The following HMCN1 variants were observed in gnomAD, a reference collection of about 807,000 sequenced individuals.
The protein encoded by HMCN1 is hemicentin 1, also known as hemicentin-1.
HMCN1 carries 321 observed loss-of-function variants against 625.9 expected under a neutral mutation model. That is an observed-to-expected ratio of 0.51 (90% CI 0.47 to 0.56). The LOEUF is 0.56. Ranked by LOEUF, HMCN1 falls within the 20% of genes least tolerant of loss-of-function variation. HMCN1 has a pLI of 0.00. For synonymous variants in HMCN1, 2,425 were observed against 2,417.6 expected, an observed-to-expected ratio of 1.00 and a Z score of -0.09; for missense variants, 6,588 against 6,887.3, an observed-to-expected ratio of 0.96 and a Z score of 1.54.
chr1:186,178,395 T>C, intron 103 of HMCN1, 21 bp from the exon 104 acceptor site: 1 of 1,571,230 alleles, frequency 6.4e-7, no homozygotes, highest in Non-Finnish European at 8.8e-7. Flanking sequence ...TTTTCTTTTT[T>C]ATATCATGGC....
chr1:186,036,526 C>A (rs1487994021), intron 36 of HMCN1, among the ~76,000 whole-genome samples: 1 of 152,098 alleles, frequency 6.6e-6, no homozygotes, highest in African/African-American at 2.4e-5. Context: ...GGGTCCCTCC[C>A]AGCTACAATT....
chr1:185,984,514 A>G (rs1354470445), intron 19 of HMCN1, among the ~76,000 whole-genome samples: 4 of 152,164 alleles, frequency 2.6e-5, no homozygotes, highest in Non-Finnish European at 5.9e-5. Flanking sequence ...CATTCTTGGG[A>G]GTCACCAGCT....
intron 19 of HMCN1, among the ~76,000 whole-genome samples, chr1:185,984,620 A>G (rs1651888020): frequency 6.6e-6 from 1 of 152,168 alleles, no homozygotes; most frequent in South Asian, 2.1e-4. Context: ...TTAATTTCAG[A>G]CAAGCTGAAC....
intron 10 of HMCN1, among the ~76,000 whole-genome samples, chr1:185,931,954 C>A (rs1026344981): frequency 6.6e-6 from 1 of 151,706 alleles, no homozygotes; most frequent in African/African-American, 2.4e-5. Flanking sequence ...CCTATTATTA[C>A]CAAATTTAGC....
intron 2 of HMCN1, among the ~76,000 whole-genome samples, chr1:185,863,033 A>G (rs1201646276): frequency 6.6e-6 from 1 of 152,180 alleles, no homozygotes; most frequent in South Asian, 2.1e-4. Context: ...TATGACCCTG[A>G]TTAGATCTAT....
chr1:185,890,303 A>T (rs182759639), intron 4 of HMCN1, among the ~76,000 whole-genome samples: 3,646 of 147,608 alleles, frequency 0.025, 668 homozygotes, highest in African/African-American at 0.092. Context: ...TTTGTGTCTC[A>T]ATTTCCTTCA....
In HMCN1 at chr1:185,951,712, C is replaced by T. The variant is rs187528231; in HGVS notation, c.1829-10806C>T. Reference sequence around the variant, plus strand: ...ATGGGACGTGGCTTAGGAGGAATCCCGGGCTGAGGGCATTTCTTGGCCCAG... The same window carrying T: ...ATGGGACGTGGCTTAGGAGGAATCCTGGGCTGAGGGCATTTCTTGGCCCAG... On this transcript the variant is annotated intron_variant, in intron 11 of 106. Transcript: ENST00000271588. 4.4e-3 allele frequency among the ~76,000 whole-genome samples: 666 copies of T among 151,304 alleles called. 12 individuals carry two copies. The highest frequency in any genetic ancestry group is 8.0e-3 in the South Asian group (38 of 4,762).
intron 71 of HMCN1, among the ~76,000 whole-genome samples, chr1:186,110,172 T>A (rs1208915317): frequency 6.6e-6 from 1 of 152,206 alleles, no homozygotes; most frequent in South Asian, 2.1e-4. Context: ...TTTGGTTTCA[T>A]GGTCCATATT....
At chr1:186,122,516 A>G (rs1661444420) in intron 80 of HMCN1, among the ~76,000 whole-genome samples, 2 of 152,202 alleles carry the variant, frequency 1.3e-5, no homozygotes, top group South Asian at 4.1e-4. Context: ...GCCACTGTAT[A>G]TGTGTATTCT....
At chr1:185,957,060 G>C (rs913931068) in intron 11 of HMCN1, 1 of 152,124 alleles carries the variant, frequency 6.6e-6, no homozygotes, top group Admixed American at 6.5e-5. Flanking sequence ...GGAAGTCTGG[G>C]TCATTACCCT....
At chr1:186,016,315 C>A in intron 32 of HMCN1, 76 bp downstream of exon 32, 1 of 1,373,116 alleles carries the variant, frequency 7.3e-7, no homozygotes, top group South Asian at 1.3e-5. Flanking sequence ...CTTTTTTGTT[C>A]ATGCAATAAT....
At chr1:185,797,053 T>C (rs1369259726) in intron 1 of HMCN1, among the ~76,000 whole-genome samples, 1 of 152,226 alleles carries the variant, frequency 6.6e-6, no homozygotes, top group Non-Finnish European at 1.5e-5. Context: ...TGGTGTAAGA[T>C]GGTATCTCAT....
Position 185,803,205 on chromosome 1 carries a change from C to CAAAAAAAAAAAAAAAAAAAA in HMCN1, c.269-42803_269-42802insAAAAAAAAAAAAAAAAAAAA. Among the ~76,000 whole-genome samples the CAAAAAAAAAAAAAAAAAAAA allele has an allele frequency of 1.9e-3, 110 of 58,750 alleles. 1 individual carries two copies. Among genetic ancestry groups the CAAAAAAAAAAAAAAAAAAAA allele is most frequent in the East Asian group, 5.8e-3 (9 of 1,544 alleles). The allele number at this position is 58,750 out of a possible 152,430, so 38.5% of individuals were successfully genotyped here. A position where few individuals can be genotyped will look rare whatever the true frequency, so the allele number is the denominator to read the frequency against. ...AGCAGAACCAAAAAAAAAAAAAAAG[C>CAAAAAAAAAAAAAAAAAAAA]AAAAAAAAAAAAAAAAAACAAAACA... is the stretch of plus-strand genomic sequence containing the variant. On this transcript the variant is annotated intron_variant, in intron 1 of 106. Coordinates refer to ENST00000271588, the MANE Select transcript of HMCN1 (RefSeq NM_031935.3).
chr1:185,744,854 A>G (rs1397205028), intron 1 of HMCN1, among the ~76,000 whole-genome samples: 1 of 152,190 alleles, frequency 6.6e-6, no homozygotes, highest in Non-Finnish European at 1.5e-5. Context: ...AAGAAGTGAC[A>G]TGATTGGGTT....
At chr1:186,070,883 A>G (rs1658438258) in intron 52 of HMCN1, 126 bp downstream of exon 52, 3 of 959,334 alleles carry the variant, frequency 3.1e-6, no homozygotes, top group Non-Finnish European at 3.3e-6. Flanking sequence ...AGCAAATGCC[A>G]TGCTCCTAGA....
intron 64 of HMCN1, among the ~76,000 whole-genome samples, chr1:186,091,427 T>G (rs191557091): frequency 1.3e-5 from 2 of 152,142 alleles, no homozygotes; most frequent in Admixed American, 1.3e-4. Flanking sequence ...TTTGTTCAGA[T>G]GCCATTTTCA....
chr1:186,116,129 T>C (rs941307250), intron 75 of HMCN1, among the ~76,000 whole-genome samples: 8 of 152,160 alleles, frequency 5.3e-5, no homozygotes, highest in Non-Finnish European at 5.9e-5. Context: ...AATTCTATCA[T>C]GTCTCTTTTT....
At chr1:185,884,774 G>A (rs1188346953) in intron 4 of HMCN1, among the ~76,000 whole-genome samples, 3 of 152,092 alleles carry the variant, frequency 2.0e-5, no homozygotes, top group East Asian at 3.9e-4. Flanking sequence ...GGGACTGAAG[G>A]CGAAAAGTGC....
intron 80 of HMCN1, among the ~76,000 whole-genome samples, chr1:186,120,484 G>A (rs1158584832): frequency 1.3e-5 from 2 of 152,132 alleles, no homozygotes; most frequent in African/African-American, 4.8e-5. Flanking sequence ...CAAAACACTG[G>A]ATTATAACGT....
Sources: allele counts gnomAD v4.1 joint callset (sites outside exome capture counted in the v4.1 genomes callset), GRCh38; gene constraint gnomAD v4.1.1; transcripts MANE v1.5; gene names NCBI Gene and HGNC (gene_info 2026-07-23, HGNC 2026-07-21).